Variants in PPP1R37 observed in about 807,000 individuals in gnomAD.
The protein encoded by PPP1R37 is leucine rich repeat containing 68.
In PPP1R37, 21 loss-of-function variants were observed where a neutral mutation model predicts 61.0. That is an observed-to-expected ratio of 0.34 (90% CI 0.24 to 0.50). PPP1R37 has a LOEUF of 0.50. Ranked by LOEUF, PPP1R37 falls within the 20% of genes least tolerant of loss-of-function variation. PPP1R37 has a pLI of 0.98. For synonymous variants in PPP1R37, 443 were observed against 433.5 expected, an observed-to-expected ratio of 1.02 and a Z score of -0.27; for missense variants, 910 against 952.7, an observed-to-expected ratio of 0.96 and a Z score of 0.59.
At chr19:45,144,526 C>T (rs915064759) in intron 8 of PPP1R37, 2 of 345,958 alleles carry the variant, frequency 5.8e-6, no homozygotes, top group African/African-American at 2.1e-5. Flanking sequence ...GCTCAAACCC[C>T]GGGATAAGAG....
Position 45,093,390 on chromosome 19 carries a change from C to T in PPP1R37, c.65C>T (p.Pro22Leu). The change falls in exon 1 of 13, where the codon CCA becomes CTA. Residue 22 changes from proline to leucine, a missense_variant. By Grantham distance (98) the Pro-to-Leu change is moderately conservative (BLOSUM62 -3). This residue lies in a region of PPP1R37 where 81 missense variants were observed against 65.4 expected (regional missense o/e 1.24). Coordinates refer to ENST00000221462, the MANE Select transcript of PPP1R37 (RefSeq NM_019121.2). ...GCGGACGGCGACATTGAAGAGGCCC[C>T]AGCTGAGGCCGGGTCTCCCAGCCCC... ...PGADGDIEEA[P>L]AEAGSPSPAS... 2 of 1,533,050 alleles carry T rather than the reference C, an allele frequency of 1.3e-6. No homozygotes were observed. Among genetic ancestry groups the T allele is most frequent in the Non-Finnish European group, 1.7e-6 (2 of 1,145,334 alleles). 95.0% of individuals were successfully genotyped at this position (1,533,050 alleles called of 1,614,324 possible).
chr19:45,119,373 G>A (rs1339474060), intron 1 of PPP1R37, among the ~76,000 whole-genome samples: 1 of 152,110 alleles, frequency 6.6e-6, no homozygotes, highest in Non-Finnish European at 1.5e-5. Context: ...GACTGGTGTC[G>A]AACTCCTGAC....
At chr19:45,116,014 G>A (rs943706320) in intron 1 of PPP1R37, among the ~76,000 whole-genome samples, 15 of 151,808 alleles carry the variant, frequency 9.9e-5, no homozygotes, top group Admixed American at 2.0e-4. Flanking sequence ...GGGGGGACTC[G>A]GGTGCTTAGC....
At position 45,102,730 on chromosome 19, in the gene PPP1R37, G is replaced by A. The variant is rs536296962; in HGVS notation, c.202+9203G>A. On this transcript the variant is annotated intron_variant, in intron 1 of 12. Transcript: ENST00000221462. Reference sequence around the variant, plus strand: ...CCCCATTTGTGAAGCCATTTTGCCAGATGAGGACTCTCTCAAAGTTTTTAG... The same window carrying A: ...CCCCATTTGTGAAGCCATTTTGCCAAATGAGGACTCTCTCAAAGTTTTTAG... Among the ~76,000 whole-genome samples the A allele has an allele frequency of 9.2e-5, 14 of 152,262 alleles. No homozygotes were observed. In the East Asian group the frequency reaches 2.7e-3, roughly 29 times the overall value.
At chr19:45,116,016 G>A (rs1280678047) in intron 1 of PPP1R37, among the ~76,000 whole-genome samples, 1 of 152,024 alleles carries the variant, frequency 6.6e-6, no homozygotes, top group African/African-American at 2.4e-5. Context: ...GGGGACTCGG[G>A]TGCTTAGCAC....
At chr19:45,110,946 A>G (rs1968192081) in intron 1 of PPP1R37, among the ~76,000 whole-genome samples, 1 of 152,150 alleles carries the variant, frequency 6.6e-6, no homozygotes, top group Admixed American at 6.5e-5. Context: ...GCAGGACTGA[A>G]TGTCTACCGA....
intron 1 of PPP1R37, among the ~76,000 whole-genome samples, chr19:45,124,969 A>G (rs1404853437): frequency 6.6e-6 from 1 of 152,064 alleles, no homozygotes; most frequent in Non-Finnish European, 1.5e-5. Context: ...GGACCCCCCA[A>G]AAAATAGGTT....
intron 1 of PPP1R37, among the ~76,000 whole-genome samples, chr19:45,129,949 G>T (rs1278223511): frequency 6.6e-6 from 1 of 152,212 alleles, no homozygotes; most frequent in Non-Finnish European, 1.5e-5. Flanking sequence ...CTTTTAGTCT[G>T]TACTCTTGCC....
intron 1 of PPP1R37, among the ~76,000 whole-genome samples, chr19:45,093,951 G>A (rs1600151664): frequency 6.6e-6 from 1 of 152,220 alleles, no homozygotes; most frequent in South Asian, 2.1e-4. Context: ...GTAAAAAGAG[G>A]TTAAGTTGCT....
In PPP1R37 at chr19:45,120,014, C is replaced by CTTTTTT. The variant is rs11312138; in HGVS notation, c.203-18484_203-18479dup. On this transcript the variant is annotated intron_variant, in intron 1 of 12. Coordinates refer to ENST00000221462, the MANE Select transcript of PPP1R37 (RefSeq NM_019121.2). Reference sequence around the variant, plus strand: ...AGCACAGATTTTTTATTTTCCCCTTCTTTTTTTTTTTTTTTTTTTTTGAGA... The same window carrying CTTTTTT: ...AGCACAGATTTTTTATTTTCCCCTTCTTTTTTTTTTTTTTTTTTTTTTTTTTTGAGA... 2.3e-4 allele frequency among the ~76,000 whole-genome samples: 19 copies of CTTTTTT among 83,570 alleles called. 1 individual carries two copies. The highest frequency in any genetic ancestry group is 3.4e-4 in the Non-Finnish European group (14 of 41,780). The allele number at this position is 83,570 out of a possible 152,430, so 54.8% of individuals were successfully genotyped here. A position where few individuals can be genotyped will look rare whatever the true frequency, so the allele number is the denominator to read the frequency against.
chr19:45,117,939 G>A (rs1212700993), intron 1 of PPP1R37, among the ~76,000 whole-genome samples: 2 of 152,240 alleles, frequency 1.3e-5, no homozygotes, highest in African/African-American at 2.4e-5. Context: ...TCCAGCCCCC[G>A]CGTGATCCGC....
intron 1 of PPP1R37, among the ~76,000 whole-genome samples, chr19:45,126,237 T>C (rs1735934808): frequency 6.6e-6 from 1 of 152,066 alleles, no homozygotes; most frequent in Non-Finnish European, 1.5e-5. Flanking sequence ...CCTTGTGGGG[T>C]AGGTGCATGT....
At chr19:45,120,969 T>C (rs1240623232) in intron 1 of PPP1R37, among the ~76,000 whole-genome samples, 2 of 152,254 alleles carry the variant, frequency 1.3e-5, no homozygotes, top group Non-Finnish European at 2.9e-5. Flanking sequence ...GACGGAACCA[T>C]GTCCTTGGTC....
chr19:45,118,995 T>G (rs1968305303), intron 1 of PPP1R37, among the ~76,000 whole-genome samples: 1 of 152,076 alleles, frequency 6.6e-6, no homozygotes, highest in African/African-American at 2.4e-5. Flanking sequence ...TTGTTTTGTT[T>G]TTTGGTTTTT....
intron 1 of PPP1R37, among the ~76,000 whole-genome samples, chr19:45,107,144 T>C (rs1328987435): frequency 6.6e-6 from 1 of 152,088 alleles, no homozygotes; most frequent in Non-Finnish European, 1.5e-5. Context: ...ATGTGCTTGC[T>C]GAACACTTGT....
chr19:45,146,379 C>T lies in PPP1R37; in HGVS notation c.1994-11C>T. ...CGCCTGACGGGGGTGCTGGCCCGTC[C>T]TCCCACACAGAACTGAGCTGCTCCA... is the stretch of plus-strand genomic sequence containing the variant. On this transcript the variant is annotated splice_polypyrimidine_tract_variant and intron_variant, in intron 11 of 12. Transcript: ENST00000221462. 2.0e-6 allele frequency: 3 copies of T among 1,535,144 alleles called. No individual in the cohort carries two copies. The highest frequency in any genetic ancestry group is 2.6e-6 in the Non-Finnish European group (3 of 1,146,352).
intron 1 of PPP1R37, among the ~76,000 whole-genome samples, chr19:45,136,537 G>A (rs181279641): frequency 4.6e-5 from 7 of 152,210 alleles, no homozygotes; most frequent in East Asian, 3.9e-4. Flanking sequence ...GGCAAGCTCC[G>A]GTCCCCACTA....
intron 1 of PPP1R37, among the ~76,000 whole-genome samples, chr19:45,117,455 C>T (rs546460681): frequency 3.9e-4 from 59 of 152,278 alleles, no homozygotes; most frequent in Admixed American, 1.4e-3. Context: ...AGTGCAGGGA[C>T]AGGTGGTGCC....
At position 45,129,063 on chromosome 19, in the gene PPP1R37, G is replaced by A. The variant is rs899237826; in HGVS notation, c.203-9451G>A. The A allele has an allele frequency of 4.3e-6, 3 of 699,674 alleles. No homozygotes were observed. The Admixed American group carries it at 5.6e-5, about 13-fold the overall frequency. 43.3% of individuals were successfully genotyped at this position (699,674 alleles called of 1,614,324 possible). Reference sequence around the variant, plus strand: ...TCCCAGGGTGACAGTGGTGGCAGCAGTGATCTTCTGAGACTGCAGAGGCCC... The same window carrying A: ...TCCCAGGGTGACAGTGGTGGCAGCAATGATCTTCTGAGACTGCAGAGGCCC... On this transcript the variant is annotated intron_variant, in intron 1 of 12. Coordinates refer to ENST00000221462, the MANE Select transcript of PPP1R37 (RefSeq NM_019121.2).
Sources: allele counts gnomAD v4.1 joint callset (sites outside exome capture counted in the v4.1 genomes callset), GRCh38; gene constraint gnomAD v4.1.1; regional missense constraint gnomAD v4.1.1; transcripts MANE v1.5; gene names NCBI Gene and HGNC (gene_info 2026-07-23, HGNC 2026-07-21).